Variants in KANSL3 observed in about 807,000 individuals in gnomAD.
KANSL3 encodes the protein KAT8 regulatory NSL complex subunit 3, also known as NSL complex protein NSL3.
In KANSL3, 16 loss-of-function variants were observed where a neutral mutation model predicts 89.2. The observed-to-expected ratio is 0.18, with a 90% CI of 0.12 to 0.27. The LOEUF is 0.27. KANSL3 is among the 10% of genes least tolerant of loss of function. KANSL3 has a pLI of 1.00. For synonymous variants in KANSL3, 385 were observed against 419.7 expected (o/e 0.92, Z 1.01); for missense variants, 879 against 1,110.6 (o/e 0.79, Z 2.96).
At position 96,622,284 on chromosome 2, in the gene KANSL3, T is replaced by C. The variant is rs114796687; in HGVS notation, c.387-2522A>G. 2.4e-3 allele frequency among the ~76,000 whole-genome samples: 362 copies of C among 151,942 alleles called. 1 individual carries two copies. The highest frequency in any genetic ancestry group is 8.3e-3 in the African/African-American group (344 of 41,432). ...TGAAAATCAAAAAATTAGCCAGGCA[T>C]AGTGGCAGGTGCCCAAAGTTCCAGC... is the stretch of plus-strand genomic sequence containing the variant. On this transcript the variant is annotated intron_variant, in intron 3 of 20. Transcript: ENST00000431828.
At chr2:96,629,704 C>G (rs990899260) in intron 3 of KANSL3, among the ~76,000 whole-genome samples, 7 of 152,210 alleles carry the variant, frequency 4.6e-5, no homozygotes, top group Non-Finnish European at 8.8e-5. Flanking sequence ...GCTCCTCCCT[C>G]AACAGCTGCT....
At chr2:96,602,950 C>A (rs2067398906) in intron 17 of KANSL3, 88 bp from the exon 18 acceptor site, 3 of 1,226,888 alleles carry the variant, frequency 2.4e-6, no homozygotes, top group Non-Finnish European at 3.5e-6. Flanking sequence ...TCACCACCAA[C>A]TAAAACACCA....
chr2:96,613,099 C>T (rs1356498550), intron 6 of KANSL3, among the ~76,000 whole-genome samples, 165 bp from the exon 7 acceptor site: 1 of 152,200 alleles, frequency 6.6e-6, no homozygotes, highest in Non-Finnish European at 1.5e-5. Context: ...AAGAAGCTGG[C>T]CAGTCATGCT....
At chr2:96,613,212 C>G (rs2069333255) in intron 6 of KANSL3, among the ~76,000 whole-genome samples, 1 of 151,518 alleles carries the variant, frequency 6.6e-6, no homozygotes, top group Admixed American at 6.6e-5. Context: ...AATCCTGTCA[C>G]TACTGAAAAT....
intron 18 of KANSL3, 113 bp from the exon 19 acceptor site, chr2:96,602,451 A>G (rs951151148): frequency 3.9e-6 from 3 of 764,224 alleles, no homozygotes; most frequent in African/African-American, 3.5e-5. Context: ...TGCCTACTAC[A>G]TGCAAGGTAC....
chr2:96,585,384 C>T, the KANSL3 span, among the ~76,000 whole-genome samples: 5 of 152,086 alleles, frequency 3.3e-5, no homozygotes, highest in Non-Finnish European at 5.9e-5. Context: ...ATGCTCAACA[C>T]CACTAATTAT....
At position 96,636,972 on chromosome 2, in the gene KANSL3, C is replaced by G; in HGVS notation, c.164G>C (p.Arg55Pro). ...WSAHPDASSARPTRMLFVTPR... is the reference protein window; with the variant it reads ...WSAHPDASSAPPTRMLFVTPR... ...AGTGACAAAGAGCATGCGGGTGGGG[C>G]GGGCACTACTGGCATCTGGGTGGGC... Residue 55 changes from arginine to proline, a missense_variant, in exon 2 of 21, where the codon CGC becomes CCC. Physicochemically the swap from Arg to Pro is moderately radical, Grantham distance 103 (BLOSUM62 -2). Transcript: ENST00000431828. 1 of 1,550,016 alleles carries G rather than the reference C, an allele frequency of 6.5e-7. No homozygotes were observed. Among genetic ancestry groups the G allele is most frequent in the South Asian group, 1.2e-5 (1 of 83,840 alleles).
intron 3 of KANSL3, among the ~76,000 whole-genome samples, chr2:96,620,820 G>A (rs1462828699): frequency 6.6e-6 from 1 of 151,918 alleles, no homozygotes; most frequent in Non-Finnish European, 1.5e-5. Context: ...CTGTGCAAAT[G>A]GCAAAACCCC....
chr2:96,625,824 C>A (rs866046716), intron 3 of KANSL3, among the ~76,000 whole-genome samples: 1 of 152,042 alleles, frequency 6.6e-6, no homozygotes, highest in South Asian at 2.1e-4. Context: ...AAAAAATGAT[C>A]TAAACCAAGA....
chr2:96,609,642 TG>T lies in KANSL3; in HGVS notation c.1320-81del, dbSNP rs1186286082. 10 of 1,364,660 alleles carry T rather than the reference TG, an allele frequency of 7.3e-6. No homozygotes were observed. The East Asian group carries it at 2.1e-4, about 28-fold the overall frequency. The allele number at this position is 1,364,660 out of a possible 1,614,324, so 84.5% of individuals were successfully genotyped here. The stretch of plus-strand genomic sequence containing the variant: ...TGAAAATAAGAACGTATTTCTTTTC[TG>T]GGTTGTTTATTTTCTAGCCCCAGAA... On this transcript the variant is annotated intron_variant, in intron 11 of 20. Coordinates refer to ENST00000431828, the MANE Select transcript of KANSL3 (RefSeq NM_001115016.3).
In KANSL3 at chr2:96,599,685, C is replaced by A. The variant is rs1002128107; in HGVS notation, c.2616+1958G>T. ...AATAACATATATGTAATTTGTGTAA[C>A]AGATAAAGATTTAACATCTGAATAT... On this transcript the variant is annotated intron_variant, in intron 20 of 20. Transcript: ENST00000431828. 7 of 581,152 alleles carry A rather than the reference C, an allele frequency of 1.2e-5. No individual in the cohort carries two copies. The African/African-American group carries it at 1.4e-4, about 12-fold the overall frequency. The allele number at this position is 581,152 out of a possible 1,614,324, so 36.0% of individuals were successfully genotyped here.
chr2:96,621,729 G>C (rs2071319381), intron 3 of KANSL3, among the ~76,000 whole-genome samples: 1 of 152,066 alleles, frequency 6.6e-6, no homozygotes, highest in South Asian at 2.1e-4. Context: ...AATAGAAAGA[G>C]GCTCTAGAAA....
At chr2:96,596,167 G>A (rs1325455738) in intron 20 of KANSL3, among the ~76,000 whole-genome samples, 1 of 152,220 alleles carries the variant, frequency 6.6e-6, no homozygotes, top group African/African-American at 2.4e-5. Context: ...TTAAGAATAA[G>A]GAAGCAAGTA....
intron 9 of KANSL3, among the ~76,000 whole-genome samples, chr2:96,611,777 A>G (rs1443070022): frequency 6.6e-6 from 1 of 152,194 alleles, no homozygotes; most frequent in Non-Finnish European, 1.5e-5. Context: ...ACACAGCATC[A>G]AATTCCAGAG....
At chr2:96,601,427 C>A in intron 20 of KANSL3, 1 of 985,404 alleles carries the variant, frequency 1.0e-6, no homozygotes, top group Non-Finnish European at 1.2e-6. Context: ...CATATGTACT[C>A]TTCACAATAT....
chr2:96,593,550 G>C lies in KANSL3; in HGVS notation c.*2061C>G, dbSNP rs2066350801. 6.0e-6 allele frequency: 2 copies of C among 332,124 alleles called. No individual in the cohort carries two copies. The highest frequency in any genetic ancestry group is 6.0e-6 in the Non-Finnish European group (1 of 167,494). The allele number at this position is 332,124 out of a possible 1,614,324, so 20.6% of individuals were successfully genotyped here. A position where few individuals can be genotyped will look rare whatever the true frequency, so the allele number is the denominator to read the frequency against. ...CCTCTGTTACCCTGTGCAAGTTGTA[G>C]AACAATCCACGTTCTCACAGCTCCC... is the stretch of plus-strand genomic sequence containing the variant. On this transcript the variant is annotated 3_prime_UTR_variant, in exon 21 of 21. Coordinates refer to ENST00000431828, the MANE Select transcript of KANSL3 (RefSeq NM_001115016.3).
intron 3 of KANSL3, among the ~76,000 whole-genome samples, chr2:96,629,969 C>T (rs554459178): frequency 1.3e-4 from 20 of 152,182 alleles, no homozygotes; most frequent in African/African-American, 4.8e-4. Context: ...AATGAGATGC[C>T]ACTTTACACG....
At chr2:96,632,681 T>C (rs1044061485) in intron 2 of KANSL3, among the ~76,000 whole-genome samples, 1 of 152,106 alleles carries the variant, frequency 6.6e-6, no homozygotes, top group Admixed American at 6.5e-5. Flanking sequence ...AACAAGTTGA[T>C]TGCCTAGATA....
Position 96,608,636 on chromosome 2 carries a change from G to A in KANSL3, c.1613C>T (p.Thr538Ile), listed in dbSNP as rs1431732961. 5.6e-6 allele frequency: 9 copies of A among 1,613,928 alleles called. No individual in the cohort carries two copies. The Admixed American group carries it at 1.2e-4, about 21-fold the overall frequency. ...GGTCACTTTGGTCTTGGGACTGGAG[G>A]TGGGGCTGCTGGACACACTGGAGAG... ...EDLSSVSSSP[T>I]SSPKTKVTTV... The change falls in exon 14 of 21, where the codon ACC becomes ATC. Residue 538 changes from threonine (T) to isoleucine (I), a missense_variant. By Grantham distance (89) the Thr-to-Ile change is moderately conservative. Coordinates refer to ENST00000431828, the MANE Select transcript of KANSL3 (RefSeq NM_001115016.3).
Sources: gnomAD v4.1 joint callset for allele counts (sites outside exome capture counted in the v4.1 genomes callset) on GRCh38, gnomAD v4.1.1 for gene constraint, MANE v1.5 for transcripts, NCBI Gene and HGNC (gene_info 2026-07-23, HGNC 2026-07-21) for gene names.